FAM120C: variants seen among roughly 807,000 people sequenced by gnomAD.
FAM120C encodes family with sequence similarity 120 member C.
In FAM120C, 14 loss-of-function variants were observed where a neutral mutation model predicts 71.2. That is an observed-to-expected ratio of 0.20 (90% CI 0.13 to 0.31). The LOEUF is 0.31. Ranked by LOEUF, FAM120C falls within the 10% of genes least tolerant of loss-of-function variation. FAM120C has a pLI of 1.00. For synonymous variants in FAM120C, 354 were observed against 353.2 expected (o/e 1.00, Z -0.03); for missense variants, 500 against 879.0 (o/e 0.57, Z 5.45).
At chrX:54,097,875 C>T (rs990082261) in intron 10 of FAM120C, among the ~76,000 whole-genome samples, 2 of 109,385 alleles carry the variant, frequency 1.8e-5, no homozygotes, top group African/African-American at 3.3e-5. Context: ...TACAGGCGCC[C>T]GCTACCACGC....
chrX:54,094,904 C>CAAA (rs11332265), intron 10 of FAM120C, among the ~76,000 whole-genome samples: 1 of 85,595 alleles, frequency 1.2e-5, no homozygotes, highest in Non-Finnish European at 2.3e-5. Context: ...GACTCCATCT[C>CAAA]AAAAAAAAAA....
At chrX:54,073,339 C>G in intron 15 of FAM120C, 52 bp from the exon 16 acceptor site, 19 of 1,129,557 alleles carry the variant, frequency 1.7e-5, no homozygotes, top group Non-Finnish European at 2.0e-5. Flanking sequence ...ACTGGCTGAC[C>G]CTTCCTAAGC....
chrX:54,099,752 C>T (rs1377468453), intron 10 of FAM120C, among the ~76,000 whole-genome samples: 1 of 112,202 alleles, frequency 8.9e-6, no homozygotes, highest in Non-Finnish European at 1.9e-5. Context: ...TATCTTGGCA[C>T]CCTTGTCAAA....
intron 9 of FAM120C, among the ~76,000 whole-genome samples, chrX:54,129,912 C>A (rs373967775): frequency 2.7e-5 from 3 of 109,337 alleles, no homozygotes; most frequent in Non-Finnish European, 3.8e-5. Flanking sequence ...CGCAGGCACT[C>A]GGCAGGCTGA....
chrX:54,089,741 CACCCGAGGTTGGGAATTCGAG>C (rs1385230636), intron 11 of FAM120C, among the ~76,000 whole-genome samples: 2 of 110,760 alleles, frequency 1.8e-5, no homozygotes, highest in African/African-American at 6.6e-5. Context: ...GTGGGCGGAT[CACCCGAGGTTGGGAATTCGAG>C]ACCAGCCCGA....
intron 1 of FAM120C, 118 bp downstream of exon 1, chrX:54,182,382 G>T: frequency 1.2e-6 from 1 of 866,842 alleles, no homozygotes; most frequent in Non-Finnish European, 1.6e-6. Flanking sequence ...GCTGTTGGGC[G>T]GGTAGGTGGG....
intron 13 of FAM120C, 87 bp from the exon 14 acceptor site, chrX:54,081,547 G>T (rs781966347): frequency 1.3e-4 from 134 of 1,017,745 alleles, no homozygotes; most frequent in Non-Finnish European, 1.7e-4. Context: ...TGAGTCGGGC[G>T]GATTACTTGA....
chrX:54,086,066 C>T lies in FAM120C; in HGVS notation c.2638-150G>A, dbSNP rs374652022. 5.6e-4 allele frequency: 272 copies of T among 487,029 alleles called. No homozygotes were observed. In the African/African-American group the frequency reaches 5.8e-3, roughly 10 times the overall value. The allele number at this position is 487,029 out of a possible 1,213,427, so 40.1% of individuals were successfully genotyped here. A position where few individuals can be genotyped will look rare whatever the true frequency, so the allele number is the denominator to read the frequency against. ...TGTCGTTAAAGGGCTCAAAGCTACACACTCAGGAAGCCTGTCTGGCACCAA... is the reference window on the plus strand; with the variant it reads ...TGTCGTTAAAGGGCTCAAAGCTACATACTCAGGAAGCCTGTCTGGCACCAA... On this transcript the variant is annotated intron_variant, in intron 12 of 15. Coordinates refer to ENST00000375180, the MANE Select transcript of FAM120C (RefSeq NM_017848.6).
chrX:54,169,863 C>T (rs1557135716), intron 1 of FAM120C, among the ~76,000 whole-genome samples: 1 of 111,837 alleles, frequency 8.9e-6, no homozygotes, highest in African/African-American at 3.3e-5. Context: ...TGGAGTTCAC[C>T]AACCAACCAT....
intron 9 of FAM120C, among the ~76,000 whole-genome samples, chrX:54,127,827 C>T (rs138175678): frequency 0.029 from 3,201 of 109,948 alleles, 52 homozygotes; most frequent in Middle Eastern, 0.046. Context: ...CTCCTGGCCT[C>T]AATCATCTTC....
Position 54,087,949 on chromosome X carries a change from C to T in FAM120C, c.2443G>A (p.Ala815Thr), listed in dbSNP as rs1482478686. 1 of 1,206,213 alleles carries T rather than the reference C, an allele frequency of 8.3e-7. No homozygotes were observed. Among genetic ancestry groups the T allele is most frequent in the African/African-American group, 1.7e-5 (1 of 57,148 alleles). Residue 815 changes from alanine to threonine, a missense_variant, in exon 12 of 16, where the codon GCC (alanine) becomes ACC (threonine). Physicochemically the swap from Ala to Thr is moderately conservative, Grantham distance 58 (BLOSUM62 0). Transcript: ENST00000375180. ...LQELKIEKLD[A>T]RGIQLAALFM... Reference sequence around the variant, plus strand: ...AGGGCAGCAAGCTGGATCCCTCGGGCATCCAGTTTCTCAATCTGAAACCAC... The same window carrying T: ...AGGGCAGCAAGCTGGATCCCTCGGGTATCCAGTTTCTCAATCTGAAACCAC...
chrX:54,097,945 C>T (rs1307263707), intron 10 of FAM120C, among the ~76,000 whole-genome samples: 4 of 110,924 alleles, frequency 3.6e-5, no homozygotes, highest in Non-Finnish European at 7.6e-5. Flanking sequence ...CCAGGATGGT[C>T]TCGATCTCCT....
At chrX:54,100,723 A>C (rs782572998) in intron 10 of FAM120C, among the ~76,000 whole-genome samples, 1 of 111,820 alleles carries the variant, frequency 8.9e-6, no homozygotes, top group Non-Finnish European at 1.9e-5. Flanking sequence ...AGAGTTGGAG[A>C]ATAATCTTTT....
In FAM120C at chrX:54,100,775, C is replaced by T. The variant is rs1263470138; in HGVS notation, c.2313-9349G>A. On this transcript the variant is annotated intron_variant, in intron 10 of 15. Transcript: ENST00000375180. ...ACTCCTGGACACACTGTGGTGGGAG[C>T]CCAACCTGCAAGGCCTCAGGTAGCC... Among the ~76,000 whole-genome samples the T allele has an allele frequency of 5.3e-5, 6 of 112,417 alleles. 1 individual carries two copies. Among genetic ancestry groups the T allele is most frequent in the African/African-American group, 1.9e-4 (6 of 30,983 alleles).
chrX:54,155,657 CT>C (rs36094676), intron 3 of FAM120C, among the ~76,000 whole-genome samples: 4,226 of 9,607 alleles, frequency 0.44, 90 homozygotes, highest in Non-Finnish European at 0.51. Flanking sequence ...AGGTCAGAGG[CT>C]TTTTTAAAAA....
intron 4 of FAM120C, among the ~76,000 whole-genome samples, chrX:54,138,110 TTACTA>T (rs1451661497): frequency 3.6e-5 from 4 of 111,739 alleles, no homozygotes; most frequent in Non-Finnish European, 7.5e-5. Flanking sequence ...ATACAATGGA[TTACTA>T]TACAGTTATA....
chrX:54,082,053 C>T (rs1483782964), intron 13 of FAM120C, among the ~76,000 whole-genome samples: 2 of 106,721 alleles, frequency 1.9e-5, no homozygotes, highest in South Asian at 4.3e-4. Context: ...CGTGGTGGTC[C>T]GTGCCTATAG....
At chrX:54,082,262 G>A (rs1385857243) in intron 13 of FAM120C, among the ~76,000 whole-genome samples, 2 of 110,373 alleles carry the variant, frequency 1.8e-5, no homozygotes, top group Non-Finnish European at 3.8e-5. Context: ...AGGAGGGCCG[G>A]AGATCTGTAC....
At chrX:54,117,275 C>T (rs781973720) in intron 9 of FAM120C, among the ~76,000 whole-genome samples, 2 of 107,495 alleles carry the variant, frequency 1.9e-5, no homozygotes, top group African/African-American at 6.8e-5. Flanking sequence ...ATCCCTTGAG[C>T]CCAGGAGTTT....
Sources: gnomAD v4.1 joint callset for allele counts (sites outside exome capture counted in the v4.1 genomes callset) on GRCh38, gnomAD v4.1.1 for gene constraint, MANE v1.5 for transcripts, NCBI Gene and HGNC (gene_info 2026-07-23, HGNC 2026-07-21) for gene names.